CSMD2: variants seen among roughly 807,000 people sequenced by gnomAD.
CSMD2 encodes CUB and Sushi multiple domains 2.
Under a neutral mutation model 398.5 loss-of-function variants are expected in CSMD2, and 130 were observed. The observed-to-expected ratio is 0.33, with a 90% CI of 0.28 to 0.38. The LOEUF is 0.38. CSMD2 is among the 10% of genes least tolerant of loss of function. The pLI, the probability that CSMD2 is intolerant of heterozygous loss-of-function variation, is 1.00. For missense variants in CSMD2, 3,829 were observed against 4,764.9 expected (o/e 0.80, Z 5.78); for synonymous variants, 1,828 against 1,908.5 (o/e 0.96, Z 1.10).
At chr1:33,651,563 G>T (rs1557677752) in intron 28 of CSMD2, among the ~76,000 whole-genome samples, 1 of 152,124 alleles carries the variant, frequency 6.6e-6, no homozygotes, top group Non-Finnish European at 1.5e-5. Context: ...GGGAAGAAGA[G>T]GAGGTTTTGA....
At chr1:33,598,163 C>A (rs2148794130) in intron 44 of CSMD2, among the ~76,000 whole-genome samples, 1 of 152,236 alleles carries the variant, frequency 6.6e-6, no homozygotes, top group South Asian at 2.1e-4. Context: ...GCTTCAAAGG[C>A]TTAGGTGTTC....
chr1:33,948,879 G>A (rs1267767876), intron 3 of CSMD2, among the ~76,000 whole-genome samples: 2 of 152,168 alleles, frequency 1.3e-5, no homozygotes, highest in Non-Finnish European at 2.9e-5. Context: ...TCAGAGGTAG[G>A]GATCAAGGGC....
At chr1:34,130,743 C>A (rs1423912150) in intron 1 of CSMD2, among the ~76,000 whole-genome samples, 1 of 152,002 alleles carries the variant, frequency 6.6e-6, no homozygotes, top group Non-Finnish European at 1.5e-5. Flanking sequence ...TGCCCTCCAC[C>A]CATCCTTAGG....
intron 2 of CSMD2, among the ~76,000 whole-genome samples, chr1:34,083,822 A>G (rs564197682): frequency 3.9e-4 from 60 of 152,210 alleles, no homozygotes; most frequent in Middle Eastern, 3.4e-3. Flanking sequence ...TTGGGGCTGA[A>G]GTGGGGGAAG....
At chr1:33,813,751 C>A (rs1657129345) in intron 9 of CSMD2, among the ~76,000 whole-genome samples, 1 of 152,178 alleles carries the variant, frequency 6.6e-6, no homozygotes, top group Non-Finnish European at 1.5e-5. Flanking sequence ...CTCATATCTT[C>A]TCTCCAAATC....
intron 44 of CSMD2, chr1:33,599,962 G>A (rs1640101988): frequency 1.7e-6 from 1 of 597,408 alleles, no homozygotes; most frequent in Non-Finnish European, 3.0e-6. Context: ...TACTGCGGAG[G>A]CTGGGTTCTG....
chr1:34,045,509 T>G (rs1291322044), intron 2 of CSMD2, among the ~76,000 whole-genome samples: 2 of 152,228 alleles, frequency 1.3e-5, no homozygotes, highest in Admixed American at 6.5e-5. Context: ...TCCCTGCCTC[T>G]CCAGAAAACA....
intron 64 of CSMD2, among the ~76,000 whole-genome samples, chr1:33,530,915 G>C (rs1211053377): frequency 6.6e-6 from 1 of 152,136 alleles, no homozygotes; most frequent in Non-Finnish European, 1.5e-5. Context: ...TAGAAGTAGA[G>C]AGTAGAATAG....
chr1:33,974,721 G>A (rs1247263495), intron 3 of CSMD2, among the ~76,000 whole-genome samples: 3 of 152,202 alleles, frequency 2.0e-5, no homozygotes, highest in African/African-American at 7.2e-5. Context: ...ATACTGGCAA[G>A]TGTTTGAGCA....
chr1:33,777,425 A>G (rs1478304808), intron 12 of CSMD2, among the ~76,000 whole-genome samples: 2 of 152,172 alleles, frequency 1.3e-5, no homozygotes, highest in African/African-American at 4.8e-5. Flanking sequence ...CTCCAAGCTC[A>G]GAGTCAACTC....
Position 33,572,678 on chromosome 1 carries a change from C to T in CSMD2, c.7590G>A (p.Gly2530=), listed in dbSNP as rs1193129924. Residue 2530 remains glycine (G), a synonymous_variant, in exon 50 of 71, where the codon GGG becomes GGA. Coordinates refer to ENST00000373381, the MANE Select transcript of CSMD2 (RefSeq NM_001281956.2). The stretch of plus-strand genomic sequence containing the variant: ...TTCCATTCTTGGGGGCCTCAGGAAG[C>T]CCACAGGAAAGAGCTAGCAAAAGGA... ...AIPLCQALSC[G]LPEAPKNGMV... 2.5e-6 allele frequency: 4 copies of T among 1,610,098 alleles called. No homozygotes were observed. The highest frequency in any genetic ancestry group is 2.7e-5 in the African/African-American group (2 of 74,850).
rs536484593 is a variant in CSMD2 at position 33,701,823 on chromosome 1, G to A, written c.3577-1150C>T. On this transcript the variant is annotated intron_variant, in intron 22 of 70. Transcript: ENST00000373381. ...TGTTACAAAAATATTTTTAATCACC[G>A]AAACATATGGAAATCAATGGACCAA... 2.4e-3 allele frequency among the ~76,000 whole-genome samples: 358 copies of A among 152,248 alleles called. 2 individuals are homozygous for A. The highest frequency in any genetic ancestry group is 3.4e-3 in the Middle Eastern group (1 of 294).
In CSMD2 at chr1:33,660,012, T is replaced by C. The variant is rs146566537; in HGVS notation, c.4256-1875A>G. 1.4e-4 allele frequency among the ~76,000 whole-genome samples: 21 copies of C among 152,378 alleles called. No homozygotes were observed. In the East Asian group the frequency reaches 3.7e-3, roughly 27 times the overall value. ...GACTTAGCTTTCATCTCTAGCTTTA[T>C]AGGGCACTGTACACATGTAAATGTT... On this transcript the variant is annotated intron_variant, in intron 26 of 70. Transcript: ENST00000373381.
intron 37 of CSMD2, 146 bp from the exon 38 acceptor site, chr1:33,617,763 ACT>A: frequency 1.5e-6 from 1 of 652,196 alleles, no homozygotes; most frequent in South Asian, 1.7e-5. Flanking sequence ...GTTCTTCCCA[ACT>A]CTCTTCACCT....
At chr1:33,549,364 GA>G (rs1657209523) in intron 56 of CSMD2, among the ~76,000 whole-genome samples, 1 of 152,192 alleles carries the variant, frequency 6.6e-6, no homozygotes, top group South Asian at 2.1e-4. Flanking sequence ...AGGCAACATG[GA>G]ATCCCTTCCT....
intron 12 of CSMD2, among the ~76,000 whole-genome samples, chr1:33,778,756 C>A (rs1313368631): frequency 6.6e-6 from 1 of 152,148 alleles, no homozygotes; most frequent in African/African-American, 2.4e-5. Context: ...ATGACCAGGG[C>A]AATGGAGAGG....
chr1:34,139,593 CAG>C (rs1226704566), intron 1 of CSMD2, among the ~76,000 whole-genome samples: 4 of 152,196 alleles, frequency 2.6e-5, no homozygotes, highest in Admixed American at 6.5e-5. Context: ...AGAAAGCAGA[CAG>C]AGTCACAAAC....
rs552329716 is a variant in CSMD2 at position 33,870,858 on chromosome 1, T to G, written c.921-23862A>C. On this transcript the variant is annotated intron_variant, in intron 5 of 70. Transcript: ENST00000373381. The stretch of plus-strand genomic sequence containing the variant: ...CTGTGACCGCTCTCTCTGCCTCTTC[T>G]CTCTCACTTGAAGCAAACTGACATG... The G allele has an allele frequency of 3.3e-5, 5 of 152,300 alleles. No homozygotes were observed. In the East Asian group the frequency reaches 9.7e-4, roughly 29 times the overall value. The allele number at this position is 152,300 out of a possible 1,614,324, so 9.4% of individuals were successfully genotyped here. A position where few individuals can be genotyped will look rare whatever the true frequency, so the allele number is the denominator to read the frequency against.
intron 3 of CSMD2, among the ~76,000 whole-genome samples, chr1:33,980,862 CAG>C (rs908071295): frequency 2.9e-4 from 44 of 152,266 alleles, no homozygotes; most frequent in African/African-American, 1.1e-3. Flanking sequence ...TATTGGAACT[CAG>C]ATCTGAAGGA....
Sources: allele counts gnomAD v4.1 joint callset (sites outside exome capture counted in the v4.1 genomes callset), GRCh38; gene constraint gnomAD v4.1.1; transcripts MANE v1.5; gene names NCBI Gene and HGNC (gene_info 2026-07-23, HGNC 2026-07-21).